Variants in LAMB2 observed in about 807,000 individuals in gnomAD.
LAMB2 encodes laminin subunit beta-2.
Under a neutral mutation model 202.7 loss-of-function variants are expected in LAMB2, and 119 were observed. The observed-to-expected ratio is 0.59, with a 90% confidence interval of 0.51 to 0.68. The LOEUF (loss-of-function observed/expected upper bound fraction) is 0.68. Ranked by LOEUF, LAMB2 falls within the 30% of genes least tolerant of loss-of-function variation. LAMB2 has a pLI of 0.00. For synonymous variants in LAMB2, 818 were observed against 902.2 expected (o/e 0.91, Z 1.67); for missense variants, 2,124 against 2,410.6 (o/e 0.88, Z 2.49).
Position 49,132,400 on chromosome 3 carries a change from T to TTCG in LAMB2, c.252_254dup (p.Asp84dup), listed in dbSNP as rs760098222. On this transcript the variant is annotated inframe_insertion, in exon 3 of 32. Transcript: ENST00000305544. The surrounding 1 kb of genome is among the most constrained non-coding windows in gnomAD (Gnocchi z 4.6). ...GGGAGTCACAAAGGAAGCACTTCTT[T>TTCG]TCGTCCTGGGTTGGATGGGGATTAG... 1.9e-6 allele frequency: 3 copies of TTCG among 1,614,234 alleles called. No homozygotes were observed. The highest frequency in any genetic ancestry group is 2.5e-6 in the Non-Finnish European group (3 of 1,180,042).
chr3:49,129,646 G>GT lies in LAMB2; in HGVS notation c.1475dup (p.Tyr492Ter). The GT allele has an allele frequency of 6.2e-7, 1 of 1,614,156 alleles. No individual in the cohort carries two copies. Among genetic ancestry groups the GT allele is most frequent in the Non-Finnish European group, 8.5e-7 (1 of 1,179,990 alleles). ...CACGTCCAGTCACTAGACGTTTGCA[G>GT]TAACAGGATCCACTGTTGGGGTCAC... ...TPCDPNSGSC[Y>*]CKRLVTGRGC... is the part of the protein sequence containing the mutation. Residue 492 changes from tyrosine to a stop codon, truncating the protein, a stop_gained and frameshift_variant, in exon 11 of 32, where the codon TAC (tyrosine) becomes TAAC (stop). Transcript: ENST00000305544. LOFTEE classifies it high-confidence loss of function. The surrounding 1 kb of genome is among the most constrained non-coding windows in gnomAD (Gnocchi z 6.1).
rs749154605 is a variant in LAMB2 at position 49,125,271 on chromosome 3, CCT to C, written c.2700_2701del (p.Gly902Ter). 2.5e-5 allele frequency: 41 copies of C among 1,613,860 alleles called. No homozygotes were observed. The highest frequency in any genetic ancestry group is 4.5e-5 in the East Asian group (2 of 44,896). On this transcript the variant is annotated frameshift_variant, in exon 19 of 32. Transcript: ENST00000305544. LOFTEE classifies it high-confidence loss of function. The stretch of plus-strand genomic sequence containing the variant: ...GTCTCACCTTTCACAGTGCTCACCC[CCT>C]GTGTGATCACGGCAGCCCAGGCAAG...
chr3:49,132,939 T>TC lies in LAMB2; in HGVS notation c.-73dup. ...CGAGCCCTCCTCCTTGCTTTGGGGT[T>TC]CCGTGTCAACTCTGCCTGTGGGTCT... is the stretch of plus-strand genomic sequence containing the variant. On this transcript the variant is annotated 5_prime_UTR_variant, in exon 1 of 32. Coordinates refer to ENST00000305544, the MANE Select transcript of LAMB2 (RefSeq NM_002292.4). This position sits in a 1 kb window ranked among gnomAD's most constrained non-coding sequence, Gnocchi z 4.6. The TC allele has an allele frequency of 7.1e-7, 1 of 1,400,082 alleles. No individual in the cohort carries two copies. The allele number at this position is 1,400,082 out of a possible 1,614,324, so 86.7% of individuals were successfully genotyped here. A position where few individuals can be genotyped will look rare whatever the true frequency, so the allele number is the denominator to read the frequency against.
In LAMB2 at chr3:49,132,613, A is replaced by G; in HGVS notation, c.127T>C (p.Ser43Pro). Reference sequence around the variant, plus strand: ...GTGGCGGGGTAGCAGCTTCCCCTGGAACAGCCAGGCACATCCGGGGCAGGG... The same window carrying G: ...GTGGCGGGGTAGCAGCTTCCCCTGGGACAGCCAGGCACATCCGGGGCAGGG... The part of the protein sequence containing the change: ...QAPAPDVPGC[S>P]RGSCYPATGD... The change falls in exon 2 of 32, where the codon TCC (serine) becomes CCC (proline). Residue 43 changes from serine to proline, a missense_variant. This residue lies in a region of LAMB2 where 166 missense variants were observed against 158.2 expected (regional missense o/e 1.05). Coordinates refer to ENST00000305544, the MANE Select transcript of LAMB2 (RefSeq NM_002292.4). The surrounding 1 kb of genome is among the most constrained non-coding windows in gnomAD (Gnocchi z 4.6). 6.2e-7 allele frequency: 1 copy of G among 1,613,858 alleles called. No individual in the cohort carries two copies. The highest frequency in any genetic ancestry group is 8.5e-7 in the Non-Finnish European group (1 of 1,179,996).
intron 15 of LAMB2, 134 bp from the exon 16 acceptor site, chr3:49,126,631 C>T (rs898653199): frequency 3.4e-5 from 37 of 1,103,470 alleles, no homozygotes; most frequent in Admixed American, 3.2e-4. Context: ...CGTTGGGCTG[C>T]GCTAGGCCAA....
rs1011003257 is a variant in LAMB2 at position 49,132,017 on chromosome 3, C to T, written c.459+99G>A. 4.2e-6 allele frequency: 5 copies of T among 1,191,940 alleles called. No individual in the cohort carries two copies. The highest frequency in any genetic ancestry group is 6.3e-6 in the Non-Finnish European group (5 of 798,222). The allele number at this position is 1,191,940 out of a possible 1,614,324, so 73.8% of individuals were successfully genotyped here. ...GAAGGGATGAAGGAGCCTCCTGCAT[C>T]CATGCTCAAGGAGGCTGTGTTAAGG... is the stretch of plus-strand genomic sequence containing the variant. On this transcript the variant is annotated intron_variant, in intron 4 of 31. Transcript: ENST00000305544. The surrounding 1 kb of genome is among the most constrained non-coding windows in gnomAD (Gnocchi z 4.6).
chr3:49,125,915 G>C, intron 17 of LAMB2, 25 bp from the exon 18 acceptor site: 5 of 1,614,162 alleles, frequency 3.1e-6, no homozygotes, highest in Non-Finnish European at 4.2e-6. Context: ...GTTGGGCCAA[G>C]TCAGGCTGGG....
At chr3:49,124,675 C>G (rs2045391081) in intron 21 of LAMB2, 26 bp downstream of exon 21, 7 of 1,613,758 alleles carry the variant, frequency 4.3e-6, no homozygotes, top group Non-Finnish European at 5.9e-6. Flanking sequence ...CCCAATTCAG[C>G]CATGCCCTCC....
rs767608145 is a variant in LAMB2 at position 49,121,557 on chromosome 3, C to T, written c.5136G>A (p.Thr1712=). 6.8e-6 allele frequency: 11 copies of T among 1,614,016 alleles called. No individual in the cohort carries two copies. The highest frequency in any genetic ancestry group is 3.3e-5 in the Admixed American group (2 of 60,016). The change falls in exon 31 of 32, where the codon ACG becomes ACA. Residue 1712 remains threonine (T), a synonymous_variant. Coordinates refer to ENST00000305544, the MANE Select transcript of LAMB2 (RefSeq NM_002292.4). Reference sequence around the variant, plus strand: ...CCTTGCGCTCAGCTAGGGCCTTCACCGTCTGGTACTGATCACCCAGAGGAC... The same window carrying T: ...CCTTGCGCTCAGCTAGGGCCTTCACTGTCTGGTACTGATCACCCAGAGGAC... ...LRGPLGDQYQ[T]VKALAERKAQ...
In LAMB2 at chr3:49,121,202, A is replaced by C. The variant is rs2045213051; in HGVS notation, c.*24T>G. 2.5e-6 allele frequency: 4 copies of C among 1,611,796 alleles called. No individual in the cohort carries two copies. The highest frequency in any genetic ancestry group is 2.2e-5 in the South Asian group (2 of 90,992). On this transcript the variant is annotated 3_prime_UTR_variant, in exon 32 of 32. Transcript: ENST00000305544. ...ACATGCATGTGGGGCAGTGCTAGGA[A>C]CTGGGGTAGGCCTTGGGCAGGGGTC...
At position 49,124,213 on chromosome 3, in the gene LAMB2, C is replaced by A. The variant is rs1202488340; in HGVS notation, c.3401G>T (p.Gly1134Val). The A allele has an allele frequency of 6.2e-7, 1 of 1,614,040 alleles. No homozygotes were observed. Among genetic ancestry groups the A allele is most frequent in the Non-Finnish European group, 8.5e-7 (1 of 1,179,966 alleles). Reference sequence around the variant, plus strand: ...ACCATGGCACTGCAACCCAGGGTCTCCCCAGTGGAGCTCTTGGCACTCAGA... The same window carrying A: ...ACCATGGCACTGCAACCCAGGGTCTACCCAGTGGAGCTCTTGGCACTCAGA... The part of the protein sequence containing the change: ...TCSECQELHW[G>V]DPGLQCHACD... Residue 1134 changes from glycine to valine, a missense_variant, in exon 23 of 32, where the codon GGA (glycine) becomes GTA (valine). By Grantham distance (109) the Gly-to-Val change is moderately radical. Coordinates refer to ENST00000305544, the MANE Select transcript of LAMB2 (RefSeq NM_002292.4).
chr3:49,128,479 C>T lies in LAMB2; in HGVS notation c.1997G>A (p.Gly666Glu), dbSNP rs755208357. 6.2e-7 allele frequency: 1 copy of T among 1,614,058 alleles called. No individual in the cohort carries two copies. Among genetic ancestry groups the T allele is most frequent in the East Asian group, 2.2e-5 (1 of 44,882 alleles). The change falls in exon 15 of 32, where the codon GGG (glycine) becomes GAG (glutamate). Residue 666 changes from glycine to glutamate, a missense_variant. This residue lies in a region of LAMB2 where 1,702 missense variants were observed against 1,896.3 expected (regional missense o/e 0.90). Coordinates refer to ENST00000305544, the MANE Select transcript of LAMB2 (RefSeq NM_002292.4). Reference protein sequence around the residue: ...HLVPKDDRIQGTLQPHARYLI... With the variant: ...HLVPKDDRIQETLQPHARYLI... ...TCACCTGGCATGTGGTTGCAGAGTC[C>T]CTTGGATGCGATCATCCTTGGGCAC... is the stretch of plus-strand genomic sequence containing the variant.
chr3:49,123,005 C>T lies in LAMB2; in HGVS notation c.4272G>A (p.Gly1424=). 1.2e-6 allele frequency: 2 copies of T among 1,608,716 alleles called. No homozygotes were observed. ...GDAPCATSPC[G]GAGCRDEDGQ... ...CATCCTCATCTCGACAGCCGGCACC[C>T]CCACAAGGGCTTGTAGCACAGGGTG... Residue 1424 remains glycine (G), a synonymous_variant, in exon 27 of 32, where the codon GGG becomes GGA. Transcript: ENST00000305544.
At position 49,129,668 on chromosome 3, in the gene LAMB2, T is replaced by A. The variant is rs777854370; in HGVS notation, c.1454A>T (p.Asp485Val). Reference sequence around the variant, plus strand: ...GCAGTAACAGGATCCACTGTTGGGGTCACAAGGAGTGCTCCCAGGCACTGT... The same window carrying A: ...GCAGTAACAGGATCCACTGTTGGGGACACAAGGAGTGCTCCCAGGCACTGT... ...RGTVPGSTPC[D>V]PNSGSCYCKR... The change falls in exon 11 of 32, where the codon GAC becomes GTC. Residue 485 changes from aspartate (D) to valine (V), a missense_variant. Transcript: ENST00000305544. This position sits in a 1 kb window ranked among gnomAD's most constrained non-coding sequence, Gnocchi z 6.1. 2.5e-6 allele frequency: 4 copies of A among 1,613,982 alleles called. No homozygotes were observed. The African/African-American group carries it at 5.3e-5, about 22-fold the overall frequency.
rs908695790 is a variant in LAMB2 at position 49,127,435 on chromosome 3, C to T, written c.2019-938G>A. ...AATAGGTCAAGTGCAGTGGTTCACGCCTGTAATCCCAGCACTTTGGGAGGC... is the reference window on the plus strand; with the variant it reads ...AATAGGTCAAGTGCAGTGGTTCACGTCTGTAATCCCAGCACTTTGGGAGGC... On this transcript the variant is annotated intron_variant, in intron 15 of 31. Transcript: ENST00000305544. Among the ~76,000 whole-genome samples, 3 of 152,206 alleles carry T rather than the reference C, an allele frequency of 2.0e-5. No individual in the cohort carries two copies. The East Asian group carries it at 5.8e-4, about 29-fold the overall frequency.
chr3:49,131,625 G>A lies in LAMB2; in HGVS notation c.558C>T (p.Phe186=). ...GTGGGGGTGCTAGTGGGACTCCTGG[G>A]AAGTCAGCCCCACAGTCATAGGAGA... ...RYFSYDCGAD[F]PGVPLAPPRH... Residue 186 remains phenylalanine (F), a synonymous_variant, in exon 5 of 32, where the codon TTC becomes TTT. Coordinates refer to ENST00000305544, the MANE Select transcript of LAMB2 (RefSeq NM_002292.4). The surrounding 1 kb of genome is among the most constrained non-coding windows in gnomAD (Gnocchi z 5.0). The A allele has an allele frequency of 6.2e-7, 1 of 1,613,816 alleles. No homozygotes were observed. The highest frequency in any genetic ancestry group is 1.6e-4 in the Middle Eastern group (1 of 6,062).
rs772398432 is a variant in LAMB2, at chr3:49,131,635, C to T, written c.548G>A (p.Gly183Glu). 18 of 1,613,778 alleles carry T rather than the reference C, an allele frequency of 1.1e-5. No homozygotes were observed. Among genetic ancestry groups the T allele is most frequent in the Non-Finnish European group, 1.4e-5 (17 of 1,180,032 alleles). Residue 183 changes from glycine to glutamate, a missense_variant, in exon 5 of 32, where the codon GGG (glycine) becomes GAG (glutamate). This residue lies in a region of LAMB2 where 256 missense variants were observed against 356.1 expected (regional missense o/e 0.72). Coordinates refer to ENST00000305544, the MANE Select transcript of LAMB2 (RefSeq NM_002292.4). The surrounding 1 kb of genome is among the most constrained non-coding windows in gnomAD (Gnocchi z 5.0). The stretch of plus-strand genomic sequence containing the variant: ...TAGTGGGACTCCTGGGAAGTCAGCC[C>T]CACAGTCATAGGAGAAATATCGGTA... ...HVYRYFSYDC[G>E]ADFPGVPLAP...
In LAMB2 at chr3:49,123,498, G is replaced by C. The variant is rs573936521; in HGVS notation, c.3931C>G (p.Leu1311Val). 2.0e-5 allele frequency: 32 copies of C among 1,614,208 alleles called. No individual in the cohort carries two copies. The highest frequency in any genetic ancestry group is 3.3e-4 in the Middle Eastern group (2 of 6,062). The change falls in exon 25 of 32, where the codon CTG becomes GTG. Residue 1311 changes from leucine (L) to valine (V), a missense_variant. Coordinates refer to ENST00000305544, the MANE Select transcript of LAMB2 (RefSeq NM_002292.4). ...ERDRLALNLT[L>V]RQLDQHLDLL... ...TCAAGATGCTGGTCGAGCTGCCGCA[G>C]TGTGAGATTAAGTGCAAGCCTATCT...
rs1310439431 is a variant in LAMB2 at position 49,123,177 on chromosome 3, G to A, written c.4179C>T (p.Leu1393=). Residue 1393 remains leucine, a synonymous_variant, in exon 26 of 32, where the codon CTC becomes CTT. Transcript: ENST00000305544. ...GGCTCAGGGTGTGGGTATGGGCAGA[G>A]AGCTTGCCAAGTGCCCGCTGGTTGG... ...HMANQRALGK[L]SAHTHTLSLT... 1.2e-6 allele frequency: 2 copies of A among 1,613,832 alleles called. No homozygotes were observed. The highest frequency in any genetic ancestry group is 1.7e-6 in the Non-Finnish European group (2 of 1,180,036).
Sources: allele counts gnomAD v4.1 joint callset (sites outside exome capture counted in the v4.1 genomes callset), GRCh38; gene constraint gnomAD v4.1.1; regional missense constraint gnomAD v4.1.1; non-coding constraint Gnocchi (gnomAD v3.1); transcripts MANE v1.5; gene names NCBI Gene and HGNC (gene_info 2026-07-23, HGNC 2026-07-21).